Variants in GALNT1 observed in about 807,000 individuals in gnomAD.
GALNT1 encodes the protein GalNAc transferase 1.
Under a neutral mutation model 65.7 loss-of-function variants are expected in GALNT1, and 17 were observed. The ratio of observed to expected loss-of-function variants is 0.26; its 90% confidence interval spans 0.18 to 0.39. The LOEUF (loss-of-function observed/expected upper bound fraction) is 0.39, where lower values mean the gene tolerates loss of function less well. Among genes scored for constraint, GALNT1 ranks in the 10% least tolerant of loss-of-function variants. The pLI is 1.00. For missense variants in GALNT1, 460 were observed against 672.8 expected, an observed-to-expected ratio of 0.68 and a Z score of 3.50; for synonymous variants, 210 against 219.7, an observed-to-expected ratio of 0.96 and a Z score of 0.39.
rs1259664226 is a variant in GALNT1 at position 35,703,498 on chromosome 18, T to C, written c.1399-11T>C. The C allele has an allele frequency of 1.2e-6, 2 of 1,611,156 alleles. No homozygotes were observed. Among genetic ancestry groups the C allele is most frequent in the Non-Finnish European group, 1.7e-6 (2 of 1,178,912 alleles). ...TTTTTTCTGTTTATGTGTGTGCATT[T>C]TTATTTCCAGGTTTTCTCTTATACT... On this transcript the variant is annotated splice_polypyrimidine_tract_variant and intron_variant, in intron 10 of 11. Coordinates refer to ENST00000269195, the MANE Select transcript of GALNT1 (RefSeq NM_020474.4).
intron 1 of GALNT1, among the ~76,000 whole-genome samples, chr18:35,640,898 A>G (rs2047152062): frequency 6.6e-6 from 1 of 152,242 alleles, no homozygotes; most frequent in Non-Finnish European, 1.5e-5. Flanking sequence ...TGGGAAAAGC[A>G]AACCTTTAAC....
chr18:35,605,814 G>A (rs1356348670), intron 1 of GALNT1, among the ~76,000 whole-genome samples: 1 of 152,092 alleles, frequency 6.6e-6, no homozygotes, highest in Non-Finnish European at 1.5e-5. Flanking sequence ...TTTTCCAGCT[G>A]AACTCTAGAC....
At chr18:35,692,035 G>A in intron 8 of GALNT1, 146 bp from the exon 9 acceptor site, 1 of 599,228 alleles carries the variant, frequency 1.7e-6, no homozygotes, top group East Asian at 3.0e-5. Flanking sequence ...TACTTTTGGT[G>A]GATTCATGGT....
Position 35,621,091 on chromosome 18 carries a change from A to G in GALNT1, c.-103-33469A>G, listed in dbSNP as rs769552307. Among the ~76,000 whole-genome samples, 40 of 152,028 alleles carry G rather than the reference A, an allele frequency of 2.6e-4. 1 individual carries two copies. The highest frequency in any genetic ancestry group is 8.8e-5 in the Non-Finnish European group (6 of 67,976). ...TGAGCATATTTTTATGTTGTCTTATATGTTCCATGTTTATGATTCTTTGTC... is the reference window on the plus strand; with the variant it reads ...TGAGCATATTTTTATGTTGTCTTATGTGTTCCATGTTTATGATTCTTTGTC... On this transcript the variant is annotated intron_variant, in intron 1 of 11. Coordinates refer to ENST00000269195, the MANE Select transcript of GALNT1 (RefSeq NM_020474.4).
chr18:35,599,427 A>G (rs1416309355), intron 1 of GALNT1, among the ~76,000 whole-genome samples: 1 of 135,112 alleles, frequency 7.4e-6, no homozygotes, highest in Admixed American at 8.1e-5. Context: ...GCAGTGAATT[A>G]TGGCACAATC....
At chr18:35,631,996 T>G (rs949341577) in intron 1 of GALNT1, among the ~76,000 whole-genome samples, 1 of 152,092 alleles carries the variant, frequency 6.6e-6, no homozygotes, top group African/African-American at 2.4e-5. Flanking sequence ...TTACAAGGGA[T>G]GTGAAGGACC....
intron 1 of GALNT1, among the ~76,000 whole-genome samples, chr18:35,584,723 A>C (rs892458758): frequency 6.6e-6 from 1 of 152,190 alleles, no homozygotes; most frequent in Non-Finnish European, 1.5e-5. Context: ...TTAGATTCTC[A>C]TAAGTCTTGT....
intron 1 of GALNT1, among the ~76,000 whole-genome samples, chr18:35,600,128 A>G (rs960938596): frequency 2.0e-5 from 3 of 152,182 alleles, no homozygotes; most frequent in Admixed American, 6.5e-5. Flanking sequence ...CATTTTCACA[A>G]TATTAGTTAT....
chr18:35,590,455 TG>T (rs35019400), intron 1 of GALNT1, among the ~76,000 whole-genome samples: 2 of 152,188 alleles, frequency 1.3e-5, no homozygotes, highest in African/African-American at 2.4e-5. Context: ...CAAACTTCTA[TG>T]GGAACCAGGA....
intron 8 of GALNT1, 75 bp from the exon 9 acceptor site, chr18:35,692,106 T>TATTAGATTCAATATATAAAC: frequency 7.6e-7 from 1 of 1,309,304 alleles, no homozygotes; most frequent in Non-Finnish European, 1.1e-6. Flanking sequence ...TCATCTGGCT[T>TATTAGATTCAATATATAAAC]ATTAGATTCA....
chr18:35,630,801 C>T (rs920773606), intron 1 of GALNT1, among the ~76,000 whole-genome samples: 41 of 151,980 alleles, frequency 2.7e-4, no homozygotes, highest in African/African-American at 8.0e-4. Context: ...ATTGATAGAC[C>T]GCTAGCAAGA....
At chr18:35,618,213 T>A (rs1268171373) in intron 1 of GALNT1, among the ~76,000 whole-genome samples, 3 of 152,174 alleles carry the variant, frequency 2.0e-5, no homozygotes, top group Admixed American at 1.3e-4. Flanking sequence ...TAATTAACAT[T>A]ATTTACATTA....
intron 2 of GALNT1, among the ~76,000 whole-genome samples, chr18:35,657,591 G>T (rs1291948805): frequency 2.0e-5 from 3 of 152,170 alleles, no homozygotes; most frequent in African/African-American, 7.2e-5. Flanking sequence ...AGGCTTCCCA[G>T]GAAGTCAGAG....
chr18:35,598,195 C>T (rs2046531428), intron 1 of GALNT1, among the ~76,000 whole-genome samples: 1 of 151,662 alleles, frequency 6.6e-6, no homozygotes, highest in Admixed American at 6.6e-5. Flanking sequence ...CCACCACCCC[C>T]TGCTAATTTT....
chr18:35,628,320 T>C (rs1200999318), intron 1 of GALNT1, among the ~76,000 whole-genome samples: 1 of 152,078 alleles, frequency 6.6e-6, no homozygotes, highest in East Asian at 1.9e-4. Context: ...CACCCCCCAG[T>C]AGGGGCAGAC....
intron 1 of GALNT1, among the ~76,000 whole-genome samples, chr18:35,619,043 A>C (rs1261698221): frequency 2.0e-5 from 3 of 152,230 alleles, no homozygotes; most frequent in African/African-American, 7.2e-5. Flanking sequence ...ACAGCAACTT[A>C]AAAACCGATA....
At chr18:35,691,619 T>G (rs1006893577) in intron 8 of GALNT1, among the ~76,000 whole-genome samples, 4 of 152,220 alleles carry the variant, frequency 2.6e-5, no homozygotes, top group Admixed American at 6.5e-5. Flanking sequence ...AAGCAGGCCC[T>G]CAATGCTGTC....
At chr18:35,687,220 T>TAA (rs1482800069) in intron 6 of GALNT1, 34 bp downstream of exon 6, 8 of 1,595,890 alleles carry the variant, frequency 5.0e-6, no homozygotes, top group Non-Finnish European at 6.8e-6. Flanking sequence ...GCCTAAAGTG[T>TAA]TATTGGCAGA....
At chr18:35,600,462 G>A (rs886082165) in intron 1 of GALNT1, among the ~76,000 whole-genome samples, 1 of 152,124 alleles carries the variant, frequency 6.6e-6, no homozygotes, top group Admixed American at 6.6e-5. Flanking sequence ...CCATGTTGTT[G>A]CAAACAAGGA....
Sources: allele counts gnomAD v4.1 joint callset (sites outside exome capture counted in the v4.1 genomes callset), GRCh38; gene constraint gnomAD v4.1.1; transcripts MANE v1.5; gene names NCBI Gene and HGNC (gene_info 2026-07-23, HGNC 2026-07-21).